SYTL1: variants seen among roughly 807,000 people sequenced by gnomAD.
SYTL1 encodes the protein synaptotagmin-like protein 1.
A neutral mutation model predicts 74.6 loss-of-function variants in SYTL1; 53 were observed. The ratio of observed to expected loss-of-function variants is 0.71; its 90% confidence interval spans 0.57 to 0.89. The LOEUF (loss-of-function observed/expected upper bound fraction) is 0.89, where lower values mean the gene tolerates loss of function less well. Among genes scored for constraint, SYTL1 ranks in the 40% least tolerant of loss-of-function variants. The pLI, the probability that SYTL1 is intolerant of heterozygous loss-of-function variation, is 0.00. For synonymous variants in SYTL1, 329 were observed against 324.9 expected, an observed-to-expected ratio of 1.01 and a Z score of -0.14; for missense variants, 728 against 768.7, an observed-to-expected ratio of 0.95 and a Z score of 0.63.
Position 27,350,941 on chromosome 1 carries a change from C to T in SYTL1, c.1153C>T (p.Leu385=). ...GGGCTCTGAGCCCACCTGGCTCCCC[C>T]TGCAGCCCCGGGTGAGGCAGCCAGG... The part of the protein sequence containing the change: ...DWGSEPTWLP[L]QPRVPPSPDD... The change falls in exon 11 of 15, where the codon CTG becomes TTG. Residue 385 remains leucine (L), a synonymous_variant. Coordinates refer to ENST00000616558, the MANE Select transcript of SYTL1 (RefSeq NM_001193308.2). This position sits in a 1 kb window ranked among gnomAD's most constrained non-coding sequence, Gnocchi z 6.3. The T allele has an allele frequency of 6.2e-7, 1 of 1,613,126 alleles. No individual in the cohort carries two copies. Among genetic ancestry groups the T allele is most frequent in the African/African-American group, 1.3e-5 (1 of 75,006 alleles).
chr1:27,350,372 G>C lies in SYTL1; in HGVS notation c.909-17G>C. 1 of 1,611,852 alleles carries C rather than the reference G, an allele frequency of 6.2e-7. No individual in the cohort carries two copies. The highest frequency in any genetic ancestry group is 8.5e-7 in the Non-Finnish European group (1 of 1,177,968). ...TCTGGGAGGGCCCCTCCTCACCTCG[G>C]GTTCTCACCTCCCCAGCTACGTCAA... On this transcript the variant is annotated splice_polypyrimidine_tract_variant and intron_variant, in intron 9 of 14. Coordinates refer to ENST00000616558, the MANE Select transcript of SYTL1 (RefSeq NM_001193308.2). This position sits in a 1 kb window ranked among gnomAD's most constrained non-coding sequence, Gnocchi z 6.3.
intron 14 of SYTL1, 55 bp downstream of exon 14, chr1:27,353,543 G>A: frequency 6.4e-7 from 1 of 1,554,558 alleles, no homozygotes; most frequent in East Asian, 2.3e-5. Context: ...GGAGATGGGG[G>A]CTCAGTGTGT....
At position 27,353,889 on chromosome 1, in the gene SYTL1, G is replaced by C; in HGVS notation, c.*37G>C. 7.5e-6 allele frequency: 12 copies of C among 1,594,468 alleles called. No individual in the cohort carries two copies. The highest frequency in any genetic ancestry group is 1.0e-5 in the Non-Finnish European group (12 of 1,165,740). On this transcript the variant is annotated 3_prime_UTR_variant, in exon 15 of 15. Coordinates refer to ENST00000616558, the MANE Select transcript of SYTL1 (RefSeq NM_001193308.2). Reference sequence around the variant, plus strand: ...CTCTCTCTCTGGACCCCCATCTCAGGGCCTGCCCTTGGCTAAAGTCAATAA... The same window carrying C: ...CTCTCTCTCTGGACCCCCATCTCAGCGCCTGCCCTTGGCTAAAGTCAATAA...
Position 27,348,575 on chromosome 1 carries a change from T to C in SYTL1, c.460-505T>C, listed in dbSNP as rs1368504501. Among the ~76,000 whole-genome samples, 1 of 151,982 alleles carries C rather than the reference T, an allele frequency of 6.6e-6. No individual in the cohort carries two copies. The highest frequency in any genetic ancestry group is 1.9e-4 in the East Asian group (1 of 5,184). On this transcript the variant is annotated intron_variant, in intron 5 of 14. Transcript: ENST00000616558. The surrounding 1 kb of genome is among the most constrained non-coding windows in gnomAD (Gnocchi z 4.1). ...ATACAAAATTAGCTGGGCATGATGG[T>C]GCATAACCTGGAATCTCAGCTACTG...
chr1:27,351,382 G>T lies in SYTL1; in HGVS notation c.1243+46G>T. On this transcript the variant is annotated intron_variant, in intron 12 of 14. Coordinates refer to ENST00000616558, the MANE Select transcript of SYTL1 (RefSeq NM_001193308.2). The surrounding 1 kb of genome is among the most constrained non-coding windows in gnomAD (Gnocchi z 5.0). ...CCAAGCTGGACACGCCCTGAAAAGC[G>T]GGAGACTCCAGTCCCCGGGTTTGGG... 1 of 1,513,434 alleles carries T rather than the reference G, an allele frequency of 6.6e-7. No individual in the cohort carries two copies. The highest frequency in any genetic ancestry group is 8.9e-7 in the Non-Finnish European group (1 of 1,126,428). 93.8% of individuals were successfully genotyped at this position (1,513,434 alleles called of 1,614,324 possible).
chr1:27,351,519 C>T lies in SYTL1; in HGVS notation c.1307C>T (p.Pro436Leu). The T allele has an allele frequency of 6.5e-7, 1 of 1,548,968 alleles. No homozygotes were observed. The highest frequency in any genetic ancestry group is 2.4e-5 in the East Asian group (1 of 40,898). The change falls in exon 13 of 15, where the codon CCG becomes CTG. Residue 436 changes from proline to leucine, a missense_variant. Physicochemically the swap from Pro to Leu is moderately conservative, Grantham distance 98. Coordinates refer to ENST00000616558, the MANE Select transcript of SYTL1 (RefSeq NM_001193308.2). The surrounding 1 kb of genome is among the most constrained non-coding windows in gnomAD (Gnocchi z 5.0). The stretch of plus-strand genomic sequence containing the variant: ...GTGAAGGAGGCTCGGGACCTCCTGC[C>T]GCTGCGGGCAGGATCCCTGGACACT... The part of the protein sequence containing the change: ...FWVKEARDLL[P>L]LRAGSLDTYV...
At position 27,348,008 on chromosome 1, in the gene SYTL1, C is replaced by T. The variant is rs371386129; in HGVS notation, c.455C>T (p.Thr152Ile). The change falls in exon 5 of 15, where the codon ACT becomes ATT. Residue 152 changes from threonine to isoleucine, a missense_variant. Thr to Ile is a moderately conservative substitution (Grantham distance 89). Transcript: ENST00000616558. The surrounding 1 kb of genome is among the most constrained non-coding windows in gnomAD (Gnocchi z 4.1). ...DEAPQERLRE[T>I]EGPDFPSPSV... ...GCCCCTCAGGAGAGGCTCAGGGAGACTGAGGTAAGTGAATGAGCCAACATG... is the reference window on the plus strand; with the variant it reads ...GCCCCTCAGGAGAGGCTCAGGGAGATTGAGGTAAGTGAATGAGCCAACATG... 1 of 1,613,950 alleles carries T rather than the reference C, an allele frequency of 6.2e-7. No individual in the cohort carries two copies. Among genetic ancestry groups the T allele is most frequent in the African/African-American group, 1.3e-5 (1 of 74,902 alleles).
At position 27,348,553 on chromosome 1, in the gene SYTL1, C is replaced by G. The variant is rs1286779806; in HGVS notation, c.460-527C>G. On this transcript the variant is annotated intron_variant, in intron 5 of 14. Transcript: ENST00000616558. The surrounding 1 kb of genome is among the most constrained non-coding windows in gnomAD (Gnocchi z 4.1). Reference sequence around the variant, plus strand: ...AGAAACCCCATCTCTACTAAAAATACAAAATTAGCTGGGCATGATGGTGCA... The same window carrying G: ...AGAAACCCCATCTCTACTAAAAATAGAAAATTAGCTGGGCATGATGGTGCA... Among the ~76,000 whole-genome samples, 2 of 152,030 alleles carry G rather than the reference C, an allele frequency of 1.3e-5. No homozygotes were observed. Among genetic ancestry groups the G allele is most frequent in the South Asian group, 2.1e-4 (1 of 4,818 alleles).
In SYTL1 at chr1:27,351,555, G is replaced by A; in HGVS notation, c.1343G>A (p.Cys448Tyr). The A allele has an allele frequency of 1.3e-6, 2 of 1,531,072 alleles. No individual in the cohort carries two copies. Among genetic ancestry groups the A allele is most frequent in the Non-Finnish European group, 1.8e-6 (2 of 1,135,204 alleles). 94.8% of individuals were successfully genotyped at this position (1,531,072 alleles called of 1,614,324 possible). ...RAGSLDTYVQ[C>Y]FVLPDDSQAS... Reference sequence around the variant, plus strand: ...GGATCCCTGGACACTTACGTACAATGGTGAGGAGTGCTGGCCCTCCGGGCT... The same window carrying A: ...GGATCCCTGGACACTTACGTACAATAGTGAGGAGTGCTGGCCCTCCGGGCT... The change falls in exon 13 of 15, where the codon TGC becomes TAC. Residue 448 changes from cysteine (C) to tyrosine (Y), a missense_variant and splice_region_variant. Cys to Tyr is a radical substitution (Grantham distance 194). Transcript: ENST00000616558. This position sits in a 1 kb window ranked among gnomAD's most constrained non-coding sequence, Gnocchi z 5.0.
intron 1 of SYTL1, among the ~76,000 whole-genome samples, chr1:27,344,116 T>C (rs2148027709): frequency 6.6e-6 from 1 of 152,128 alleles, no homozygotes; most frequent in Non-Finnish European, 1.5e-5. Context: ...TTCTTTTCAT[T>C]TTTTTTGGAG....
At position 27,342,797 on chromosome 1, in the gene SYTL1, A is replaced by G. The variant is rs539190970; in HGVS notation, c.-39+647A>G. Among the ~76,000 whole-genome samples, 32 of 152,060 alleles carry G rather than the reference A, an allele frequency of 2.1e-4. No individual in the cohort carries two copies. The highest frequency in any genetic ancestry group is 7.7e-4 in the African/African-American group (32 of 41,342). On this transcript the variant is annotated intron_variant, in intron 1 of 14. Transcript: ENST00000616558. The surrounding 1 kb of genome is among the most constrained non-coding windows in gnomAD (Gnocchi z 4.7). ...ACCAGACTCGGACCCACACAGCCAC[A>G]CAACAGGGCACAGAGAGGGACGTGG...
In SYTL1 at chr1:27,350,592, C is replaced by T. The variant is rs1406894491; in HGVS notation, c.1005+107C>T. 1.8e-6 allele frequency: 2 copies of T among 1,114,632 alleles called. No homozygotes were observed. Among genetic ancestry groups the T allele is most frequent in the Non-Finnish European group, 2.6e-6 (2 of 769,308 alleles). The allele number at this position is 1,114,632 out of a possible 1,614,324, so 69.0% of individuals were successfully genotyped here. Reference sequence around the variant, plus strand: ...GTAACGTCATTGCCCGGAGGATCGGCGGAGGGGGCCCATTAACTCGTTATC... The same window carrying T: ...GTAACGTCATTGCCCGGAGGATCGGTGGAGGGGGCCCATTAACTCGTTATC... On this transcript the variant is annotated intron_variant, in intron 10 of 14. Transcript: ENST00000616558. This position sits in a 1 kb window ranked among gnomAD's most constrained non-coding sequence, Gnocchi z 6.3.
chr1:27,349,964 G>T lies in SYTL1; in HGVS notation c.748-8G>T. ...GCGGCCCTGACTCCCACCCACTCCC[G>T]TCCGCAGCTGAGCGGCAGCCAGATG... is the stretch of plus-strand genomic sequence containing the variant. On this transcript the variant is annotated splice_region_variant and splice_polypyrimidine_tract_variant and intron_variant, in intron 8 of 14. Transcript: ENST00000616558. 1 of 1,571,544 alleles carries T rather than the reference G, an allele frequency of 6.4e-7. No individual in the cohort carries two copies. Among genetic ancestry groups the T allele is most frequent in the South Asian group, 1.1e-5 (1 of 87,070 alleles).
In SYTL1 at chr1:27,351,133, C is replaced by A; in HGVS notation, c.1165-125C>A. On this transcript the variant is annotated intron_variant, in intron 11 of 14. Transcript: ENST00000616558. This position sits in a 1 kb window ranked among gnomAD's most constrained non-coding sequence, Gnocchi z 5.0. ...CCCCTTCCCCGAGGGCGCTAGGACC[C>A]CTAGGTTCTGCCCCTGCAGGCCCCG... 7.4e-7 allele frequency: 1 copy of A among 1,345,374 alleles called. No homozygotes were observed. Among genetic ancestry groups the A allele is most frequent in the Non-Finnish European group, 1.0e-6 (1 of 988,810 alleles). 83.3% of individuals were successfully genotyped at this position (1,345,374 alleles called of 1,614,324 possible).
chr1:27,349,792 C>A (rs2015170459), intron 8 of SYTL1, 27 bp downstream of exon 8: 1 of 1,570,666 alleles, frequency 6.4e-7, no homozygotes. Flanking sequence ...GGGACCCGGG[C>A]GGCCGGGGGG....
rs1352704784 is a variant in SYTL1, at chr1:27,349,505, G to A, written c.633+7G>A. 2.1e-6 allele frequency: 3 copies of A among 1,454,326 alleles called. No homozygotes were observed. The highest frequency in any genetic ancestry group is 1.5e-5 in the South Asian group (1 of 68,558). 90.1% of individuals were successfully genotyped at this position (1,454,326 alleles called of 1,614,324 possible). A position where few individuals can be genotyped will look rare whatever the true frequency, so the allele number is the denominator to read the frequency against. ...GCGGCCCCAGCAAGCCCAGGTAGGC[G>A]GGAGTGGCCCGTGGCTGCTCTCAAC... is the stretch of plus-strand genomic sequence containing the variant. On this transcript the variant is annotated splice_region_variant and intron_variant, in intron 7 of 14. Transcript: ENST00000616558.
intron 2 of SYTL1, among the ~76,000 whole-genome samples, chr1:27,346,388 T>C (rs2015004846): frequency 6.6e-6 from 1 of 152,194 alleles, no homozygotes; most frequent in Non-Finnish European, 1.5e-5. Flanking sequence ...CCTAGCTACG[T>C]AGCCTTGGCA....
rs978463145 is a variant in SYTL1 at position 27,351,057 on chromosome 1, C to A, written c.1164+105C>A. ...TCACACCCCGCCTTCGACAGAACCT[C>A]CCCTCAACCTCTTAACCTCATGGCC... is the stretch of plus-strand genomic sequence containing the variant. On this transcript the variant is annotated intron_variant, in intron 11 of 14. Coordinates refer to ENST00000616558, the MANE Select transcript of SYTL1 (RefSeq NM_001193308.2). This position sits in a 1 kb window ranked among gnomAD's most constrained non-coding sequence, Gnocchi z 5.0. The A allele has an allele frequency of 7.0e-6, 10 of 1,420,308 alleles. No individual in the cohort carries two copies. In the African/African-American group the frequency reaches 1.4e-4, roughly 20 times the overall value. 88.0% of individuals were successfully genotyped at this position (1,420,308 alleles called of 1,614,324 possible).
chr1:27,353,418 G>A lies in SYTL1; in HGVS notation c.1479G>A (p.Glu493=). ...GPADLRQACA[E]LSLWDHGALA... ...CTGACCTGCGCCAGGCTTGTGCCGA[G>A]CTCTCCCTCTGGGACCATGGGGCCC... Residue 493 remains glutamate, a synonymous_variant, in exon 14 of 15, where the codon GAG becomes GAA. Transcript: ENST00000616558. The A allele has an allele frequency of 1.2e-6, 2 of 1,611,098 alleles. No individual in the cohort carries two copies. The highest frequency in any genetic ancestry group is 8.5e-7 in the Non-Finnish European group (1 of 1,179,176).
Sources: gnomAD v4.1 joint callset for allele counts (sites outside exome capture counted in the v4.1 genomes callset) on GRCh38, gnomAD v4.1.1 for gene constraint, Gnocchi (gnomAD v3.1) non-coding constraint, MANE v1.5 for transcripts, NCBI Gene and HGNC (gene_info 2026-07-23, HGNC 2026-07-21) for gene names.